Variants in GRM5 observed in about 807,000 individuals in gnomAD.
GRM5 encodes the protein glutamate metabotropic receptor 5.
GRM5 carries 19 observed loss-of-function variants against 83.1 expected under a neutral mutation model. That is an observed-to-expected ratio of 0.23 (90% CI 0.16 to 0.34). The LOEUF is 0.34. GRM5 is among the 10% of genes least tolerant of loss of function. GRM5 has a pLI of 1.00. For missense variants in GRM5, 1,160 were observed against 1,588.3 expected (o/e 0.73, Z 4.58); for synonymous variants, 675 against 633.6 (o/e 1.07, Z -0.98).
intron 3 of GRM5, among the ~76,000 whole-genome samples, chr11:88,697,906 T>TA (rs1307296603): frequency 6.6e-6 from 1 of 152,206 alleles, no homozygotes; most frequent in African/African-American, 2.4e-5. Context: ...CAGAGAGTCA[T>TA]ACTGGACATC....
chr11:88,604,402 A>G (rs1331203333), intron 5 of GRM5, among the ~76,000 whole-genome samples: 3 of 152,210 alleles, frequency 2.0e-5, no homozygotes, highest in Non-Finnish European at 4.4e-5. Context: ...GGGGAATAAC[A>G]TGACAAGCAT....
At chr11:88,670,364 C>T (rs931330711) in intron 3 of GRM5, among the ~76,000 whole-genome samples, 3 of 151,936 alleles carry the variant, frequency 2.0e-5, no homozygotes, top group African/African-American at 7.2e-5. Context: ...ATAGACAGAA[C>T]TATTAAAGTC....
intron 3 of GRM5, among the ~76,000 whole-genome samples, chr11:88,729,801 T>C (rs2135405119): frequency 6.6e-6 from 1 of 152,310 alleles, no homozygotes; most frequent in African/African-American, 2.4e-5. Flanking sequence ...ATTTAATAAA[T>C]GGTGTTGGGA....
chr11:88,632,521 A>AT (rs899014148), intron 4 of GRM5, among the ~76,000 whole-genome samples: 25 of 151,720 alleles, frequency 1.6e-4, no homozygotes, highest in South Asian at 1.3e-3. Context: ...AATTATTTTG[A>AT]TTTTTGCTGT....
At chr11:88,818,158 T>G (rs1035693755) in intron 3 of GRM5, among the ~76,000 whole-genome samples, 2 of 152,090 alleles carry the variant, frequency 1.3e-5, no homozygotes, top group African/African-American at 4.8e-5. Flanking sequence ...ATGAATGAAC[T>G]GGCTAAAGGA....
intron 2 of GRM5, among the ~76,000 whole-genome samples, chr11:89,019,918 T>C (rs1004917870): frequency 6.6e-6 from 1 of 152,170 alleles, no homozygotes; most frequent in Non-Finnish European, 1.5e-5. Context: ...CCCCTCTTAT[T>C]ATGATTTTCT....
At chr11:88,723,514 C>A (rs1156978296) in intron 3 of GRM5, among the ~76,000 whole-genome samples, 1 of 152,070 alleles carries the variant, frequency 6.6e-6, no homozygotes, top group African/African-American at 2.4e-5. Context: ...ATCAATAAGA[C>A]TTCCTGTTGC....
intron 8 of GRM5, among the ~76,000 whole-genome samples, chr11:88,542,754 G>A (rs753506259): frequency 1.3e-5 from 2 of 152,076 alleles, no homozygotes; most frequent in South Asian, 2.1e-4. Context: ...AACAAATAGA[G>A]CACACTAAAC....
chr11:88,988,675 T>C (rs901885449), intron 2 of GRM5, among the ~76,000 whole-genome samples: 1 of 151,570 alleles, frequency 6.6e-6, no homozygotes, highest in Non-Finnish European at 1.5e-5. Context: ...GCAGAAACCC[T>C]ACAAGCCAGA....
At chr11:88,641,195 C>T (rs1354185030) in intron 4 of GRM5, among the ~76,000 whole-genome samples, 2 of 151,966 alleles carry the variant, frequency 1.3e-5, no homozygotes, top group Admixed American at 1.3e-4. Flanking sequence ...GAGGCTGGGA[C>T]AAGTGCCACA....
At chr11:88,945,538 A>T (rs1938253464) in intron 2 of GRM5, among the ~76,000 whole-genome samples, 1 of 152,142 alleles carries the variant, frequency 6.6e-6, no homozygotes, top group Non-Finnish European at 1.5e-5. Flanking sequence ...ACTTGTACAA[A>T]CACAGGGAGA....
rs574578371 is a variant in GRM5, at chr11:89,045,790, C to A, written c.661+1422G>T. Among the ~76,000 whole-genome samples the A allele has an allele frequency of 3.7e-4, 56 of 152,262 alleles. No homozygotes were observed. In the South Asian group the frequency reaches 4.4e-3, roughly 12 times the overall value. ...TTTATTTGATGCAAACCAAAACATA[C>A]CTTTACAATTGGCCTTTTCAAGCAC... is the stretch of plus-strand genomic sequence containing the variant. On this transcript the variant is annotated intron_variant, in intron 2 of 9. Transcript: ENST00000305447.
Position 89,047,777 on chromosome 11 carries a change from C to T in GRM5, c.96G>A (p.Pro32=), listed in dbSNP as rs78028403. Residue 32 remains proline (P), a synonymous_variant, in exon 2 of 10, where the codon CCG becomes CCA. Transcript: ENST00000305447. This position sits in a 1 kb window ranked among gnomAD's most constrained non-coding sequence, Gnocchi z 5.1. The stretch of plus-strand genomic sequence containing the variant: ...AGAGAGCTCCAATAATGATGTCACC[C>T]GGCATGTGAGCCACCACCCTCCTCT... ...SSERRVVAHM[P]GDIIIGALFS... is the part of the protein sequence containing the mutation. 503 of 1,614,008 alleles carry T rather than the reference C, an allele frequency of 3.1e-4. 1 individual carries two copies. Among genetic ancestry groups the T allele is most frequent in the African/African-American group, 2.9e-3 (218 of 75,032 alleles).
rs564093589 is a variant in GRM5 at position 88,893,280 on chromosome 11, A to G, written c.662-43125T>C. ...TAAAGGAAAAAATATTTTACATAAG[A>G]AAGGATCTTGTATGATAAATACTTC... On this transcript the variant is annotated intron_variant, in intron 2 of 9. Coordinates refer to ENST00000305447, the MANE Select transcript of GRM5 (RefSeq NM_001143831.3). 1.5e-3 allele frequency among the ~76,000 whole-genome samples: 235 copies of G among 152,222 alleles called. 1 individual carries two copies. Among genetic ancestry groups the G allele is most frequent in the African/African-American group, 5.4e-3 (224 of 41,558 alleles).
At chr11:88,869,116 A>G (rs1944720120) in intron 2 of GRM5, among the ~76,000 whole-genome samples, 2 of 151,724 alleles carry the variant, frequency 1.3e-5, no homozygotes, top group African/African-American at 4.8e-5. Context: ...AGCAGATGGA[A>G]GCAGCCAATG....
At chr11:88,784,615 T>C (rs550341183) in intron 3 of GRM5, among the ~76,000 whole-genome samples, 9 of 152,190 alleles carry the variant, frequency 5.9e-5, no homozygotes, top group African/African-American at 1.7e-4. Context: ...TCTTCATCGG[T>C]GTATTCTATC....
intron 3 of GRM5, among the ~76,000 whole-genome samples, chr11:88,734,683 C>A (rs1338018095): frequency 1.3e-5 from 2 of 151,958 alleles, no homozygotes; most frequent in African/African-American, 2.4e-5. Context: ...TTTTAGATTA[C>A]AGAATATTTT....
At chr11:88,998,012 A>G (rs961156109) in intron 2 of GRM5, among the ~76,000 whole-genome samples, 2 of 147,026 alleles carry the variant, frequency 1.4e-5, no homozygotes, top group African/African-American at 5.5e-5. Context: ...ATGAAAACTA[A>G]TAACAAAAAA....
At position 88,860,512 on chromosome 11, in the gene GRM5, C is replaced by G. The variant is rs368272342; in HGVS notation, c.662-10357G>C. Among the ~76,000 whole-genome samples the G allele has an allele frequency of 6.6e-5, 10 of 152,278 alleles. No homozygotes were observed. In the South Asian group the frequency reaches 1.0e-3, roughly 16 times the overall value. The stretch of plus-strand genomic sequence containing the variant: ...CCTTGATTCTAACTGGATCTAATGA[C>G]AATGCAGAAATTCTCCCATCACCAG... On this transcript the variant is annotated intron_variant, in intron 2 of 9. Coordinates refer to ENST00000305447, the MANE Select transcript of GRM5 (RefSeq NM_001143831.3).
Sources: gnomAD v4.1 joint callset for allele counts (sites outside exome capture counted in the v4.1 genomes callset) on GRCh38, gnomAD v4.1.1 for gene constraint, Gnocchi (gnomAD v3.1) non-coding constraint, MANE v1.5 for transcripts, NCBI Gene and HGNC (gene_info 2026-07-23, HGNC 2026-07-21) for gene names.